The following INTS9 variants were observed in gnomAD, a reference collection of about 807,000 sequenced individuals.
INTS9 encodes protein related to CPSF subunits of 74 kDa.
Under a neutral mutation model 79.7 loss-of-function variants are expected in INTS9, and 55 were observed. That is an observed-to-expected ratio of 0.69 (90% CI 0.56 to 0.86). The LOEUF is 0.86. Among genes scored for constraint, INTS9 ranks in the 40% least tolerant of loss-of-function variants. INTS9 has a pLI of 0.00. For missense variants in INTS9, 721 were observed against 831.5 expected (o/e 0.87, Z 1.64); for synonymous variants, 319 against 325.2 (o/e 0.98, Z 0.20).
chr8:28,804,064 C>T (rs1354691873), intron 8 of INTS9, among the ~76,000 whole-genome samples: 2 of 152,158 alleles, frequency 1.3e-5, no homozygotes, highest in African/African-American at 4.8e-5. Flanking sequence ...GCTGGGACCA[C>T]AGGTATGTGC....
At chr8:28,776,610 C>T (rs1802905221) in intron 13 of INTS9, among the ~76,000 whole-genome samples, 1 of 152,126 alleles carries the variant, frequency 6.6e-6, no homozygotes, top group South Asian at 2.1e-4. Context: ...GCCCTGAATT[C>T]CCTGCTGAAG....
chr8:28,870,319 A>ATT (rs11391131), intron 1 of INTS9, among the ~76,000 whole-genome samples: 2,125 of 112,922 alleles, frequency 0.019, 62 homozygotes, highest in African/African-American at 0.064. Flanking sequence ...AACATTAACC[A>ATT]TTTTTTTTTT....
chr8:28,773,916 G>A (rs1271739575), intron 14 of INTS9, among the ~76,000 whole-genome samples: 2 of 152,134 alleles, frequency 1.3e-5, no homozygotes, highest in African/African-American at 2.4e-5. Context: ...TCTGCCTCCC[G>A]GTTCAAGCAA....
intron 6 of INTS9, among the ~76,000 whole-genome samples, chr8:28,819,805 A>T (rs1585410879): frequency 1.3e-5 from 2 of 152,000 alleles, no homozygotes; most frequent in South Asian, 2.1e-4. Context: ...TTTGTAGGTC[A>T]CTCAGGACTT....
At chr8:28,822,837 A>C (rs1190975011) in intron 6 of INTS9, among the ~76,000 whole-genome samples, 2 of 152,128 alleles carry the variant, frequency 1.3e-5, no homozygotes, top group Non-Finnish European at 2.9e-5. Context: ...AAATAGTTTT[A>C]GATGTGCAGA....
intron 7 of INTS9, among the ~76,000 whole-genome samples, chr8:28,812,773 C>G (rs1270541772): frequency 6.6e-6 from 1 of 152,120 alleles, no homozygotes; most frequent in East Asian, 1.9e-4. Flanking sequence ...ATCACTGGAG[C>G]CCGGGAAGTT....
chr8:28,879,885 G>A (rs544768294), intron 1 of INTS9, among the ~76,000 whole-genome samples: 1 of 152,240 alleles, frequency 6.6e-6, no homozygotes, highest in South Asian at 2.1e-4. Context: ...CGAGACTCGT[G>A]GTTGCCGAGG....
At chr8:28,811,596 T>C (rs964796126) in intron 8 of INTS9, among the ~76,000 whole-genome samples, 1 of 152,158 alleles carries the variant, frequency 6.6e-6, no homozygotes, top group Non-Finnish European at 1.5e-5. Flanking sequence ...AATTTTTGTA[T>C]TTTTTGTAGA....
intron 10 of INTS9, among the ~76,000 whole-genome samples, chr8:28,789,276 T>G (rs1199593265): frequency 3.3e-5 from 5 of 152,130 alleles, no homozygotes; most frequent in Admixed American, 3.3e-4. Context: ...TACAATATGA[T>G]TAGAGATTGT....
At chr8:28,811,981 T>A (rs1252907021) in intron 8 of INTS9, among the ~76,000 whole-genome samples, 5 of 152,194 alleles carry the variant, frequency 3.3e-5, no homozygotes, top group African/African-American at 9.6e-5. Flanking sequence ...GAATCCCCAA[T>A]ACCCAGATGT....
intron 11 of INTS9, among the ~76,000 whole-genome samples, chr8:28,786,789 C>G (rs879910488): frequency 9.2e-5 from 14 of 152,138 alleles, no homozygotes; most frequent in African/African-American, 3.4e-4. Context: ...GCGATCTGGG[C>G]TCACTGCAAG....
At chr8:28,854,761 T>C (rs1808048886) in intron 2 of INTS9, among the ~76,000 whole-genome samples, 1 of 152,054 alleles carries the variant, frequency 6.6e-6, no homozygotes, top group Non-Finnish European at 1.5e-5. Flanking sequence ...CATCAAAAGA[T>C]TTCCCTGGGG....
At chr8:28,784,477 A>G (rs907278049) in intron 11 of INTS9, among the ~76,000 whole-genome samples, 2 of 152,256 alleles carry the variant, frequency 1.3e-5, no homozygotes, top group African/African-American at 4.8e-5. Context: ...TATTTAGACT[A>G]CAGGGACCAA....
At chr8:28,886,499 C>T (rs1054712882) in intron 1 of INTS9, among the ~76,000 whole-genome samples, 9 of 152,122 alleles carry the variant, frequency 5.9e-5, no homozygotes, top group African/African-American at 1.4e-4. Context: ...TGCCTGCCTC[C>T]GCCTCCCAAA....
At chr8:28,838,163 T>C (rs535822614) in intron 4 of INTS9, among the ~76,000 whole-genome samples, 4 of 151,930 alleles carry the variant, frequency 2.6e-5, no homozygotes, top group South Asian at 2.1e-4. Flanking sequence ...TAACACCCCA[T>C]TGCTACAGAT....
chr8:28,858,635 T>C (rs777929017), intron 2 of INTS9, among the ~76,000 whole-genome samples: 2 of 152,374 alleles, frequency 1.3e-5, no homozygotes, highest in South Asian at 2.1e-4. Context: ...AATCAATAGC[T>C]GATGATAATT....
chr8:28,865,539 T>C (rs569140589), intron 1 of INTS9, among the ~76,000 whole-genome samples: 2 of 151,666 alleles, frequency 1.3e-5, no homozygotes, highest in Non-Finnish European at 2.9e-5. Flanking sequence ...GATTATCACA[T>C]AATCATAAAC....
chr8:28,860,811 G>A (rs947551850), intron 1 of INTS9, among the ~76,000 whole-genome samples: 28 of 152,306 alleles, frequency 1.8e-4, no homozygotes, highest in African/African-American at 6.0e-4. Context: ...AAGACAGCAC[G>A]AGTGAGAGTG....
intron 8 of INTS9, among the ~76,000 whole-genome samples, chr8:28,810,714 C>A (rs1007733572): frequency 3.3e-5 from 5 of 152,170 alleles, no homozygotes; most frequent in African/African-American, 1.2e-4. Context: ...AATGTCCCCC[C>A]ACTCCCTATT....
Sources: gnomAD v4.1 joint callset for allele counts (sites outside exome capture counted in the v4.1 genomes callset) on GRCh38, gnomAD v4.1.1 for gene constraint, MANE v1.5 for transcripts, NCBI Gene and HGNC (gene_info 2026-07-23, HGNC 2026-07-21) for gene names.